Variants in MAGI2 observed in about 807,000 individuals in gnomAD.
MAGI2 encodes the protein membrane-associated guanylate kinase, WW and PDZ domain-containing protein 2.
MAGI2 carries 35 observed loss-of-function variants against 133.3 expected under a neutral mutation model. The observed-to-expected ratio is 0.26, with a 90% confidence interval of 0.20 to 0.35. The LOEUF is 0.35. Among genes scored for constraint, MAGI2 ranks in the 10% least tolerant of loss-of-function variants. MAGI2 has a pLI of 1.00. For missense variants in MAGI2, 1,636 were observed against 1,863.4 expected, an observed-to-expected ratio of 0.88 and a Z score of 2.25; for synonymous variants, 729 against 710.6, an observed-to-expected ratio of 1.03 and a Z score of -0.41.
intron 9 of MAGI2, among the ~76,000 whole-genome samples, chr7:78,271,340 G>T (rs909413176): frequency 1.3e-5 from 2 of 152,192 alleles, no homozygotes; most frequent in Non-Finnish European, 2.9e-5. Context: ...TTGACGTGCT[G>T]CTGGATTCGG....
intron 2 of MAGI2, among the ~76,000 whole-genome samples, chr7:78,846,031 A>G (rs1315560848): frequency 6.6e-6 from 1 of 151,976 alleles, no homozygotes; most frequent in African/African-American, 2.4e-5. Context: ...TTTACAACAA[A>G]TCTTATTTAC....
At chr7:78,189,395 T>C (rs926025284) in intron 12 of MAGI2, among the ~76,000 whole-genome samples, 2 of 152,234 alleles carry the variant, frequency 1.3e-5, no homozygotes, top group Admixed American at 6.5e-5. Flanking sequence ...TCATCGCTTA[T>C]TATTCTAATT....
At chr7:79,047,503 G>A (rs1326188617) in intron 1 of MAGI2, among the ~76,000 whole-genome samples, 1 of 152,022 alleles carries the variant, frequency 6.6e-6, no homozygotes, top group African/African-American at 2.4e-5. Context: ...TTAACAAAAC[G>A]AGAAAATGCC....
At chr7:78,391,809 A>G (rs1795920522) in intron 6 of MAGI2, among the ~76,000 whole-genome samples, 1 of 152,212 alleles carries the variant, frequency 6.6e-6, no homozygotes. Flanking sequence ...ACTATAGGTA[A>G]TTTCTAGTAA....
chr7:78,055,288 A>G (rs1812448153), intron 21 of MAGI2, among the ~76,000 whole-genome samples: 1 of 152,228 alleles, frequency 6.6e-6, no homozygotes, highest in African/African-American at 2.4e-5. Context: ...ACATTTTGCA[A>G]TACTAAATAA....
chr7:78,848,609 C>T (rs767467125), intron 2 of MAGI2, among the ~76,000 whole-genome samples: 1 of 151,946 alleles, frequency 6.6e-6, no homozygotes, highest in African/African-American at 2.4e-5. Flanking sequence ...GATCTCCTCT[C>T]CTACAATCCT....
At chr7:78,502,161 C>T (rs774531984) in intron 4 of MAGI2, among the ~76,000 whole-genome samples, 1 of 151,894 alleles carries the variant, frequency 6.6e-6, no homozygotes, top group African/African-American at 2.4e-5. Flanking sequence ...GACTAAGAAC[C>T]CTGAGATGGG....
intron 16 of MAGI2, among the ~76,000 whole-genome samples, chr7:78,154,687 G>A (rs1824215133): frequency 6.6e-6 from 1 of 152,048 alleles, no homozygotes. Context: ...TGACAGAAAA[G>A]GTGGAGACTT....
intron 6 of MAGI2, among the ~76,000 whole-genome samples, chr7:78,442,781 T>C (rs1787756026): frequency 6.6e-6 from 1 of 152,190 alleles, no homozygotes; most frequent in Non-Finnish European, 1.5e-5. Flanking sequence ...TTAGCATAAC[T>C]GAGCATTAAA....
At chr7:78,625,140 GT>G (rs762585769) in intron 3 of MAGI2, among the ~76,000 whole-genome samples, 3 of 152,022 alleles carry the variant, frequency 2.0e-5, no homozygotes, top group Non-Finnish European at 4.4e-5. Context: ...TAACAAAAAA[GT>G]TTAAAAAGTT....
intron 1 of MAGI2, among the ~76,000 whole-genome samples, chr7:79,266,035 T>C (rs1378797364): frequency 6.6e-6 from 1 of 152,170 alleles, no homozygotes; most frequent in African/African-American, 2.4e-5. Context: ...CAAATTTATT[T>C]ATCTATTAAC....
chr7:79,042,702 A>T (rs1469845229), intron 1 of MAGI2, among the ~76,000 whole-genome samples: 2 of 152,150 alleles, frequency 1.3e-5, no homozygotes, highest in Non-Finnish European at 2.9e-5. Context: ...AATAACAAAG[A>T]TATTTGGGAT....
chr7:78,762,669 G>T (rs1475163030), intron 2 of MAGI2, among the ~76,000 whole-genome samples: 1 of 152,156 alleles, frequency 6.6e-6, no homozygotes, highest in Non-Finnish European at 1.5e-5. Context: ...AAATGACTCC[G>T]TTTTGGGAAA....
At chr7:78,165,420 G>A (rs1054390612) in intron 15 of MAGI2, among the ~76,000 whole-genome samples, 2 of 152,156 alleles carry the variant, frequency 1.3e-5, no homozygotes, top group African/African-American at 4.8e-5. Flanking sequence ...TTTGCTCAGT[G>A]TAACTAACCT....
chr7:78,500,339 T>A (rs1183923874), intron 5 of MAGI2, among the ~76,000 whole-genome samples: 1 of 152,218 alleles, frequency 6.6e-6, no homozygotes, highest in East Asian at 1.9e-4. Context: ...CATATTTTTA[T>A]CCACTGTCAA....
intron 3 of MAGI2, among the ~76,000 whole-genome samples, chr7:78,622,088 C>T (rs1807805886): frequency 6.6e-6 from 1 of 151,860 alleles, no homozygotes; most frequent in South Asian, 2.1e-4. Context: ...TTCTAATATC[C>T]CTGACAATAA....
In MAGI2 at chr7:78,531,930, T is replaced by C. The variant is rs143956297; in HGVS notation, c.539-10285A>G. On this transcript the variant is annotated intron_variant, in intron 3 of 21. Coordinates refer to ENST00000354212, the MANE Select transcript of MAGI2 (RefSeq NM_012301.4). ...AGGAATTTGCCAAATATCAAATCTC[T>C]AACCCTCAGTTGCTAATAAAAGTCA... Among the ~76,000 whole-genome samples the C allele has an allele frequency of 3.8e-3, 586 of 152,316 alleles. 4 individuals are homozygous for C. Among genetic ancestry groups the C allele is most frequent in the African/African-American group, 0.014 (562 of 41,574 alleles).
intron 2 of MAGI2, among the ~76,000 whole-genome samples, chr7:78,718,192 C>T (rs983592824): frequency 5.3e-5 from 8 of 152,162 alleles, no homozygotes; most frequent in Non-Finnish European, 8.8e-5. Context: ...AAACTTATAA[C>T]GCTGTTTCAG....
intron 2 of MAGI2, among the ~76,000 whole-genome samples, chr7:78,920,159 T>A (rs1224169020): frequency 2.0e-5 from 3 of 152,132 alleles, no homozygotes; most frequent in Non-Finnish European, 4.4e-5. Context: ...CATCATTATT[T>A]TCATGTCATG....
Sources: allele counts gnomAD v4.1 joint callset (sites outside exome capture counted in the v4.1 genomes callset), GRCh38; gene constraint gnomAD v4.1.1; transcripts MANE v1.5; gene names NCBI Gene and HGNC (gene_info 2026-07-23, HGNC 2026-07-21).